MAP7: variants seen among roughly 807,000 people sequenced by gnomAD.
MAP7 encodes the protein microtubule associated protein 7.
A neutral mutation model predicts 94.8 loss-of-function variants in MAP7; 52 were observed. The ratio of observed to expected loss-of-function variants is 0.55; its 90% CI spans 0.44 to 0.69. The LOEUF (loss-of-function observed/expected upper bound fraction) is 0.69. MAP7 is among the 30% of genes least tolerant of loss of function. The pLI, the probability that MAP7 is intolerant of heterozygous loss-of-function variation, is 0.00. For synonymous variants in MAP7, 350 were observed against 357.0 expected (o/e 0.98, Z 0.22); for missense variants, 940 against 964.6 (o/e 0.97, Z 0.34).
chr6:136,487,777 G>C (rs573573835), intron 1 of MAP7, among the ~76,000 whole-genome samples: 8 of 152,054 alleles, frequency 5.3e-5, no homozygotes, highest in Non-Finnish European at 8.8e-5. Flanking sequence ...CAATATTTAG[G>C]CAGTTAACAA....
chr6:136,542,874 C>A (rs1340917861), intron 1 of MAP7, among the ~76,000 whole-genome samples: 1 of 152,164 alleles, frequency 6.6e-6, no homozygotes, highest in Non-Finnish European at 1.5e-5. Context: ...TAAAAAGGCA[C>A]TATTTTACTT....
chr6:136,352,987 A>G (rs1231109577), intron 16 of MAP7, among the ~76,000 whole-genome samples: 1 of 152,206 alleles, frequency 6.6e-6, no homozygotes, highest in Non-Finnish European at 1.5e-5. Flanking sequence ...TAATTAAGGG[A>G]AGCAGAATTT....
intron 1 of MAP7, among the ~76,000 whole-genome samples, chr6:136,469,925 C>G (rs1336875622): frequency 6.6e-6 from 1 of 152,182 alleles, no homozygotes; most frequent in African/African-American, 2.4e-5. Flanking sequence ...GGGGAGAACT[C>G]TGAGGGTCCA....
chr6:136,361,083 C>T lies in MAP7; in HGVS notation c.1623G>A (p.Glu541=). The T allele has an allele frequency of 6.2e-7, 1 of 1,603,578 alleles. No individual in the cohort carries two copies. The highest frequency in any genetic ancestry group is 1.1e-5 in the South Asian group (1 of 90,856). Residue 541 remains glutamate (E), a synonymous_variant, in exon 12 of 18, where the codon GAG becomes GAA. Transcript: ENST00000354570. The part of the protein sequence containing the change: ...SRRLEAEQAR[E]KEEQLQRQAE... Reference sequence around the variant, plus strand: ...CCTGCCGCTGCAGCTGCTCCTCCTTCTCCCGGGCCTGCTCGGCTTCCAGCC... The same window carrying T: ...CCTGCCGCTGCAGCTGCTCCTCCTTTTCCCGGGCCTGCTCGGCTTCCAGCC...
At chr6:136,465,121 C>T (rs1005499201) in intron 1 of MAP7, among the ~76,000 whole-genome samples, 16 of 152,174 alleles carry the variant, frequency 1.1e-4, no homozygotes, top group African/African-American at 3.9e-4. Flanking sequence ...GTGCAGAGGA[C>T]AGCTCCCCCT....
intron 1 of MAP7, among the ~76,000 whole-genome samples, chr6:136,448,116 C>T (rs1799905076): frequency 6.6e-6 from 1 of 151,986 alleles, no homozygotes; most frequent in Non-Finnish European, 1.5e-5. Flanking sequence ...CACTTGAATC[C>T]CAGAGGTGGA....
intron 1 of MAP7, among the ~76,000 whole-genome samples, chr6:136,511,502 G>A (rs1381362519): frequency 7.3e-6 from 1 of 137,486 alleles, no homozygotes; most frequent in Non-Finnish European, 1.5e-5. Context: ...AAAAAAAAAG[G>A]CAGTGCAGAG....
At chr6:136,506,710 C>T (rs1583093936) in intron 1 of MAP7, among the ~76,000 whole-genome samples, 3 of 152,240 alleles carry the variant, frequency 2.0e-5, no homozygotes, top group East Asian at 3.9e-4. Context: ...AAGCTTGAGG[C>T]GGGTGTTAAA....
rs543800404 is a variant in MAP7, at chr6:136,514,413, T to A, written c.67+35929A>T. Among the ~76,000 whole-genome samples the A allele has an allele frequency of 6.6e-5, 10 of 151,162 alleles. 1 individual carries two copies. The South Asian group carries it at 2.1e-3, about 32-fold the overall frequency. On this transcript the variant is annotated intron_variant, in intron 1 of 17. Transcript: ENST00000354570. ...CAGCCTGGCCAACATGGCGAAACCC[T>A]GTCTCCACTAAAAATACAAAAAGTT...
chr6:136,389,867 A>T (rs1314624373), intron 3 of MAP7, among the ~76,000 whole-genome samples: 1 of 152,136 alleles, frequency 6.6e-6, no homozygotes, highest in Non-Finnish European at 1.5e-5. Flanking sequence ...TTTTTTTATT[A>T]TAAAACAATG....
At chr6:136,450,900 C>T in intron 1 of MAP7, among the ~76,000 whole-genome samples, 1 of 152,148 alleles carries the variant, frequency 6.6e-6, no homozygotes, top group East Asian at 1.9e-4. Context: ...GGAATTCCAC[C>T]TCAAAACATG....
intron 1 of MAP7, among the ~76,000 whole-genome samples, chr6:136,467,205 A>G (rs1807430423): frequency 6.6e-6 from 1 of 152,218 alleles, no homozygotes; most frequent in Non-Finnish European, 1.5e-5. Flanking sequence ...TACCAAAATC[A>G]TCTAAACATT....
chr6:136,518,726 G>A lies in MAP7; in HGVS notation c.67+31616C>T, dbSNP rs190667790. Among the ~76,000 whole-genome samples the A allele has an allele frequency of 6.6e-5, 10 of 152,188 alleles. No individual in the cohort carries two copies. In the East Asian group the frequency reaches 1.9e-3, roughly 29 times the overall value. ...CCACCTGGAGAATTTCTGTAACAAC[G>A]AATTAAAGTTGCTCTTGGAGACACA... On this transcript the variant is annotated intron_variant, in intron 1 of 17. Transcript: ENST00000354570.
chr6:136,538,837 A>G (rs1045177547), intron 1 of MAP7, among the ~76,000 whole-genome samples: 3 of 142,856 alleles, frequency 2.1e-5, no homozygotes, highest in Non-Finnish European at 3.0e-5. Flanking sequence ...AAGGGCTTTT[A>G]TGGGTGTTTA....
At position 136,382,427 on chromosome 6, in the gene MAP7, C is replaced by T. The variant is rs190534466; in HGVS notation, c.637+1244G>A. Among the ~76,000 whole-genome samples, 17 of 152,176 alleles carry T rather than the reference C, an allele frequency of 1.1e-4. No homozygotes were observed. In the East Asian group the frequency reaches 3.1e-3, roughly 28 times the overall value. ...CTGCAAAGAAAAGATGAATAGACAA[C>T]TGTAAGAGTAACATTCACATGCTAT... On this transcript the variant is annotated intron_variant, in intron 6 of 17. Coordinates refer to ENST00000354570, the MANE Select transcript of MAP7 (RefSeq NM_003980.6).
chr6:136,348,918 G>A (rs1482278207), intron 16 of MAP7, among the ~76,000 whole-genome samples: 1 of 152,160 alleles, frequency 6.6e-6, no homozygotes, highest in Non-Finnish European at 1.5e-5. Flanking sequence ...AACATGAAAT[G>A]TCTTCTGGAG....
In MAP7 at chr6:136,343,935, C is replaced by A. The variant is rs1011866406; in HGVS notation, c.*293G>T. The A allele has an allele frequency of 3.8e-5, 8 of 212,840 alleles. No individual in the cohort carries two copies. Among genetic ancestry groups the A allele is most frequent in the Non-Finnish European group, 6.5e-5 (7 of 108,332 alleles). The allele number at this position is 212,840 out of a possible 1,614,324, so 13.2% of individuals were successfully genotyped here. Reference sequence around the variant, plus strand: ...AGCCCATTTCTTTTATAACCAAATTCTCTTGTCTTTTAAAGAATGCAGAAA... The same window carrying A: ...AGCCCATTTCTTTTATAACCAAATTATCTTGTCTTTTAAAGAATGCAGAAA... On this transcript the variant is annotated 3_prime_UTR_variant, in exon 18 of 18. Coordinates refer to ENST00000354570, the MANE Select transcript of MAP7 (RefSeq NM_003980.6).
chr6:136,383,784 A>G lies in MAP7; in HGVS notation c.527-3T>C. On this transcript the variant is annotated splice_polypyrimidine_tract_variant and splice_region_variant and intron_variant, in intron 5 of 17. Transcript: ENST00000354570. ...GGAAACTGACCGCCTGTCTGGATCTAAAACAAATGGAGATAATGCTAATTG... is the reference window on the plus strand; with the variant it reads ...GGAAACTGACCGCCTGTCTGGATCTGAAACAAATGGAGATAATGCTAATTG... 1 of 1,565,406 alleles carries G rather than the reference A, an allele frequency of 6.4e-7. No individual in the cohort carries two copies. The highest frequency in any genetic ancestry group is 8.8e-7 in the Non-Finnish European group (1 of 1,137,208).
chr6:136,517,901 G>A (rs1825329766), intron 1 of MAP7, among the ~76,000 whole-genome samples: 1 of 152,182 alleles, frequency 6.6e-6, no homozygotes, highest in African/African-American at 2.4e-5. Context: ...CAACTGGTTT[G>A]TAAGGGGGTA....
Sources: gnomAD v4.1 joint callset for allele counts (sites outside exome capture counted in the v4.1 genomes callset) on GRCh38, gnomAD v4.1.1 for gene constraint, MANE v1.5 for transcripts, NCBI Gene and HGNC (gene_info 2026-07-23, HGNC 2026-07-21) for gene names.